The following QRSL1 variants were observed in gnomAD, a reference collection of about 807,000 sequenced individuals.
QRSL1 encodes the protein glutamyl-tRNA(Gln) amidotransferase subunit A, mitochondrial.
Under a neutral mutation model 61.6 loss-of-function variants are expected in QRSL1, and 54 were observed. The observed-to-expected ratio is 0.88, with a 90% CI of 0.70 to 1.10. QRSL1 has a LOEUF of 1.10. Among genes scored for constraint, QRSL1 ranks in the 50% least tolerant of loss-of-function variants. The pLI, the probability that QRSL1 is intolerant of heterozygous loss-of-function variation, is 0.00. For missense variants in QRSL1, 505 were observed against 622.6 expected, an observed-to-expected ratio of 0.81 and a Z score of 2.01; for synonymous variants, 228 against 225.7, an observed-to-expected ratio of 1.01 and a Z score of -0.09.
Position 106,654,845 on chromosome 6 carries a change from A to G in QRSL1, c.965A>G (p.Tyr322Cys). Residue 322 changes from tyrosine to cysteine, a missense_variant, in exon 8 of 11, where the codon TAT (tyrosine) becomes TGT (cysteine). Coordinates refer to ENST00000369046, the MANE Select transcript of QRSL1 (RefSeq NM_018292.5). ...VIEVSLPHTS[Y>C]SIVCYHVLCT... ...GAAGTATCCCTTCCTCACACCAGTT[A>G]TTCAATTGTCTGCTACCATGTATTG... The G allele has an allele frequency of 6.2e-7, 1 of 1,613,958 alleles. No individual in the cohort carries two copies. The highest frequency in any genetic ancestry group is 8.5e-7 in the Non-Finnish European group (1 of 1,179,846).
chr6:106,666,940 C>T lies in QRSL1; in HGVS notation c.*938C>T, dbSNP rs1044883125. On this transcript the variant is annotated 3_prime_UTR_variant, in exon 11 of 11. Transcript: ENST00000369046. ...AAGAAAGAGCTGAAATGACTGAGAA[C>T]TTTCCTTTCCTCCTTAGAGTTACAA... The T allele has an allele frequency of 5.3e-5, 8 of 152,184 alleles. No individual in the cohort carries two copies. Among genetic ancestry groups the T allele is most frequent in the African/African-American group, 1.7e-4 (7 of 41,440 alleles). 9.4% of individuals were successfully genotyped at this position (152,184 alleles called of 1,614,324 possible).
chr6:106,640,694 T>G (rs1283596766), intron 2 of QRSL1, 129 bp from the exon 3 acceptor site: 1 of 1,018,946 alleles, frequency 9.8e-7, no homozygotes. Context: ...CTGTATTAAT[T>G]TCTGCCATAA....
Position 106,633,945 on chromosome 6 carries a change from C to CT in QRSL1, c.24+4243dup, listed in dbSNP as rs542348605. 3.5e-4 allele frequency among the ~76,000 whole-genome samples: 43 copies of CT among 123,760 alleles called. No homozygotes were observed. In the South Asian group the frequency reaches 9.4e-3, roughly 27 times the overall value. The allele number at this position is 123,760 out of a possible 152,430, so 81.2% of individuals were successfully genotyped here. On this transcript the variant is annotated intron_variant, in intron 1 of 10. Transcript: ENST00000369046. ...TGTGTGGAAACGCAGCCATTAAACA[C>CT]TTTAAAAAAAAAAAAAAGTAAATGA...
chr6:106,648,432 G>A (rs189008503), intron 4 of QRSL1, among the ~76,000 whole-genome samples: 2 of 152,300 alleles, frequency 1.3e-5, no homozygotes, highest in East Asian at 1.9e-4. Context: ...TGATATACAT[G>A]TAAGTTACCC....
At chr6:106,664,512 A>C (rs1646637028) in intron 10 of QRSL1, among the ~76,000 whole-genome samples, 1 of 152,056 alleles carries the variant, frequency 6.6e-6, no homozygotes. Context: ...TTTCCCTTTG[A>C]TTTTTAAAGG....
At position 106,662,904 on chromosome 6, in the gene QRSL1, A is replaced by C. The variant is rs529215025; in HGVS notation, c.1161-76A>C. On this transcript the variant is annotated intron_variant, in intron 9 of 10. Transcript: ENST00000369046. ...AATGGAAATCCAATGGTTCTTTATC[A>C]AGCCTAATGTAAGATAATTGATTAA... The C allele has an allele frequency of 9.0e-5, 113 of 1,254,524 alleles. 4 individuals are homozygous for C. The South Asian group carries it at 1.4e-3, about 16-fold the overall frequency. The allele number at this position is 1,254,524 out of a possible 1,614,324, so 77.7% of individuals were successfully genotyped here. A position where few individuals can be genotyped will look rare whatever the true frequency, so the allele number is the denominator to read the frequency against.
At chr6:106,631,187 C>T (rs1311228537) in intron 1 of QRSL1, among the ~76,000 whole-genome samples, 1 of 152,096 alleles carries the variant, frequency 6.6e-6, no homozygotes, top group African/African-American at 2.4e-5. Flanking sequence ...GATCACGCCA[C>T]TGCACTCCAG....
chr6:106,663,633 C>A (rs1466713027), intron 10 of QRSL1, among the ~76,000 whole-genome samples: 1 of 152,188 alleles, frequency 6.6e-6, no homozygotes, highest in Non-Finnish European at 1.5e-5. Context: ...TGGTGTTAAA[C>A]CGTTTATGAG....
rs557076636 is a variant in QRSL1 at position 106,635,214 on chromosome 6, C to T, written c.25-5135C>T. 2.0e-5 allele frequency among the ~76,000 whole-genome samples: 3 copies of T among 152,146 alleles called. No individual in the cohort carries two copies. The East Asian group carries it at 5.8e-4, about 29-fold the overall frequency. On this transcript the variant is annotated intron_variant, in intron 1 of 10. Transcript: ENST00000369046. ...AAAAATAGAAGAAGACCTAAAATTCCAACATTTTGGAGGTCAACAATAGGA... is the reference window on the plus strand; with the variant it reads ...AAAAATAGAAGAAGACCTAAAATTCTAACATTTTGGAGGTCAACAATAGGA...
chr6:106,663,052 T>A lies in QRSL1; in HGVS notation c.1233T>A (p.Phe411Leu), dbSNP rs149787087. ...TTGCTAATGACTTTGTAAATGCTTT[T>A]AACTCTGGAGTAGATGTCTTGCTAA... The part of the protein sequence containing the change: ...RLIANDFVNA[F>L]NSGVDVLLTP... Residue 411 changes from phenylalanine (F) to leucine (L), a missense_variant, in exon 10 of 11, where the codon TTT becomes TTA. Transcript: ENST00000369046. 70 of 1,612,876 alleles carry A rather than the reference T, an allele frequency of 4.3e-5. No homozygotes were observed. Among genetic ancestry groups the A allele is most frequent in the Non-Finnish European group, 5.5e-5 (65 of 1,178,904 alleles).
At chr6:106,663,254 A>C in intron 10 of QRSL1, 69 bp downstream of exon 10, 1 of 1,472,388 alleles carries the variant, frequency 6.8e-7, no homozygotes, top group South Asian at 1.2e-5. Flanking sequence ...CTTCAACTTA[A>C]GATTCTAGCT....
At chr6:106,657,288 T>C (rs1435569666) in intron 9 of QRSL1, among the ~76,000 whole-genome samples, 6 of 151,586 alleles carry the variant, frequency 4.0e-5, no homozygotes, top group Non-Finnish European at 8.8e-5. Flanking sequence ...AAAAGAATAC[T>C]ATTTGGTTAT....
chr6:106,656,132 C>T (rs960090895), intron 9 of QRSL1, among the ~76,000 whole-genome samples: 6 of 152,178 alleles, frequency 3.9e-5, no homozygotes, highest in East Asian at 1.9e-4. Flanking sequence ...TAATTTTAAA[C>T]GTGCAGGAGG....
At chr6:106,655,903 A>G (rs1431964999) in intron 9 of QRSL1, among the ~76,000 whole-genome samples, 171 bp downstream of exon 9, 3 of 152,210 alleles carry the variant, frequency 2.0e-5, no homozygotes, top group Admixed American at 2.0e-4. Flanking sequence ...AACAAAAGAA[A>G]TGTTGGTACT....
chr6:106,640,216 T>C (rs1448307011), intron 1 of QRSL1, 133 bp from the exon 2 acceptor site: 1 of 734,748 alleles, frequency 1.4e-6, no homozygotes, highest in African/African-American at 1.8e-5. Context: ...GGTAATAGGT[T>C]CTCTTGATTT....
At chr6:106,661,738 CTT>C (rs1489067742) in intron 9 of QRSL1, among the ~76,000 whole-genome samples, 6 of 95,188 alleles carry the variant, frequency 6.3e-5, no homozygotes, top group Non-Finnish European at 9.5e-5. Flanking sequence ...GAGTTCCGCT[CTT>C]GTTTCCAGCT....
At chr6:106,660,079 ATCTCTG>A (rs1450383135) in intron 9 of QRSL1, among the ~76,000 whole-genome samples, 1 of 152,114 alleles carries the variant, frequency 6.6e-6, no homozygotes, top group African/African-American at 2.4e-5. Context: ...TGAACTTCAG[ATCTCTG>A]TCCCTTTAAC....
intron 1 of QRSL1, 110 bp from the exon 2 acceptor site, chr6:106,640,239 T>C (rs1262024208): frequency 1.6e-5 from 15 of 944,468 alleles, no homozygotes; most frequent in Non-Finnish European, 2.3e-5. Flanking sequence ...AACCCAAGCC[T>C]CACTTTAAAA....
intron 1 of QRSL1, among the ~76,000 whole-genome samples, chr6:106,632,593 A>G (rs1301300989): frequency 1.3e-5 from 2 of 151,972 alleles, no homozygotes; most frequent in Non-Finnish European, 2.9e-5. Flanking sequence ...ATTTCATCCA[A>G]CTTTTCTCCA....
Sources: gnomAD v4.1 joint callset for allele counts (sites outside exome capture counted in the v4.1 genomes callset) on GRCh38, gnomAD v4.1.1 for gene constraint, MANE v1.5 for transcripts, NCBI Gene and HGNC (gene_info 2026-07-23, HGNC 2026-07-21) for gene names.